ACOT11: variants seen among roughly 807,000 people sequenced by gnomAD.
The protein encoded by ACOT11 is acyl-CoA thioesterase 11, also known as acyl-coenzyme A thioesterase 11.
Under a neutral mutation model 77.5 loss-of-function variants are expected in ACOT11, and 69 were observed. That is an observed-to-expected ratio of 0.89 (90% CI 0.73 to 1.09). The LOEUF (loss-of-function observed/expected upper bound fraction) is 1.09, where lower values mean the gene tolerates loss of function less well. Ranked by LOEUF, ACOT11 falls within the 50% of genes least tolerant of loss-of-function variation. The pLI, the probability that ACOT11 is intolerant of heterozygous loss-of-function variation, is 0.00. For synonymous variants in ACOT11, 279 were observed against 313.0 expected, an observed-to-expected ratio of 0.89 and a Z score of 1.15; for missense variants, 766 against 813.7, an observed-to-expected ratio of 0.94 and a Z score of 0.71.
chr1:54,588,143 G>A (rs1654572702), intron 3 of ACOT11, among the ~76,000 whole-genome samples: 1 of 152,018 alleles, frequency 6.6e-6, no homozygotes, highest in Non-Finnish European at 1.5e-5. Flanking sequence ...GGTGGAGGTT[G>A]CAGTGAGCCA....
chr1:54,594,127 G>A (rs940712357), intron 5 of ACOT11, 88 bp downstream of exon 5: 6 of 1,202,588 alleles, frequency 5.0e-6, no homozygotes, highest in Admixed American at 4.2e-5. Context: ...TGAGGTTAGG[G>A]GTTGGCAGAG....
intron 13 of ACOT11, among the ~76,000 whole-genome samples, 178 bp downstream of exon 13, chr1:54,605,387 GACTGAGC>G (rs1225566289): frequency 6.6e-6 from 1 of 152,118 alleles, no homozygotes; most frequent in African/African-American, 2.4e-5. Context: ...TTAGGGAAGA[GACTGAGC>G]ACGGAATTAG....
chr1:54,602,749 A>C, intron 10 of ACOT11, 25 bp downstream of exon 10: 2 of 1,516,896 alleles, frequency 1.3e-6, no homozygotes, highest in Non-Finnish European at 1.8e-6. Flanking sequence ...AGTGGTGGGC[A>C]GAATGTGGAT....
At position 54,584,647 on chromosome 1, in the gene ACOT11, T is replaced by C. The variant is rs759337155; in HGVS notation, c.34-8T>C. The C allele has an allele frequency of 6.2e-7, 1 of 1,613,442 alleles. No individual in the cohort carries two copies. The highest frequency in any genetic ancestry group is 1.1e-5 in the South Asian group (1 of 91,004). On this transcript the variant is annotated splice_region_variant and splice_polypyrimidine_tract_variant and intron_variant, in intron 1 of 15. Transcript: ENST00000343744. The surrounding 1 kb of genome is among the most constrained non-coding windows in gnomAD (Gnocchi z 6.3). ...CTCTGTCCCCACCTGTCCCCACCTG[T>C]ACCCCAGGGCTTGGCCTCTGTGTTC... is the stretch of plus-strand genomic sequence containing the variant.
intron 1 of ACOT11, among the ~76,000 whole-genome samples, chr1:54,583,667 G>A (rs1188684442): frequency 6.6e-6 from 1 of 151,672 alleles, no homozygotes; most frequent in African/African-American, 2.4e-5. Context: ...TAAGGCATCT[G>A]TCTCATAGGT....
intron 15 of ACOT11, chr1:54,623,176 TA>T (rs113750458): frequency 0.19 from 114,136 of 596,012 alleles, no homozygotes; most frequent in South Asian, 0.26. Flanking sequence ...AAACTCCGTC[TA>T]AAAAAAAAAA....
chr1:54,612,542 A>AGACC, downstream of ACOT11: 1 of 1,614,054 alleles, frequency 6.2e-7, no homozygotes, highest in Non-Finnish European at 8.5e-7. Context: ...GCACCATGGA[A>AGACC]GACCGTACAG....
intron 1 of ACOT11, among the ~76,000 whole-genome samples, chr1:54,556,821 G>T (rs1653273154): frequency 6.6e-6 from 1 of 152,066 alleles, no homozygotes; most frequent in African/African-American, 2.4e-5. Context: ...GACCTTGGGT[G>T]ATCCGCCCAC....
At chr1:54,570,935 G>C (rs566976960) in intron 1 of ACOT11, among the ~76,000 whole-genome samples, 4 of 151,546 alleles carry the variant, frequency 2.6e-5, no homozygotes, top group Non-Finnish European at 5.9e-5. Context: ...TGCCTGCCTC[G>C]GCCTCCCAAA....
chr1:54,600,400 T>C (rs1251412191), intron 8 of ACOT11, among the ~76,000 whole-genome samples: 1 of 152,174 alleles, frequency 6.6e-6, no homozygotes, highest in Admixed American at 6.5e-5. Flanking sequence ...GGATGGTAAG[T>C]GGCTGAGCGC....
At chr1:54,611,035 G>A, downstream of ACOT11, 2 of 984,228 alleles carry the variant, frequency 2.0e-6, no homozygotes, top group Non-Finnish European at 2.4e-6. Context: ...GAATTTGCTG[G>A]TTTCCTACCT....
At chr1:54,550,516 C>T (rs114025600) in intron 1 of ACOT11, among the ~76,000 whole-genome samples, 226 of 152,246 alleles carry the variant, frequency 1.5e-3, no homozygotes, top group African/African-American at 5.1e-3. Flanking sequence ...AACAAGCAAA[C>T]AAATAAACAA....
chr1:54,605,031 C>T lies in ACOT11; in HGVS notation c.1237-45C>T, dbSNP rs200370854. On this transcript the variant is annotated intron_variant, in intron 12 of 15. Coordinates refer to ENST00000343744, the MANE Select transcript of ACOT11 (RefSeq NM_147161.4). The stretch of plus-strand genomic sequence containing the variant: ...CTCAGCCTCCAGCATCCCCATCAGT[C>T]CACTCCACCACCCAGCAAATGAGGC... The T allele has an allele frequency of 7.3e-5, 115 of 1,576,802 alleles. No homozygotes were observed. In the African/African-American group the frequency reaches 1.5e-3, roughly 20 times the overall value.
At chr1:54,572,104 CCT>C (rs2100963165) in intron 1 of ACOT11, among the ~76,000 whole-genome samples, 1 of 151,976 alleles carries the variant, frequency 6.6e-6, no homozygotes, top group African/African-American at 2.4e-5. Context: ...TTCCTGCTCG[CCT>C]CTCTTCTGCT....
At chr1:54,581,108 G>C (rs1234289644) in intron 1 of ACOT11, among the ~76,000 whole-genome samples, 1 of 152,228 alleles carries the variant, frequency 6.6e-6, no homozygotes, top group Non-Finnish European at 1.5e-5. Flanking sequence ...CTAAGGGGCA[G>C]AGCAAAGTCC....
intron 1 of ACOT11, among the ~76,000 whole-genome samples, chr1:54,564,467 C>G (rs186060838): frequency 2.0e-5 from 3 of 152,032 alleles, no homozygotes; most frequent in Admixed American, 2.0e-4. Flanking sequence ...AGGCTGTGAT[C>G]TGCCCTGGGG....
At chr1:54,568,328 CACT>C in intron 1 of ACOT11, among the ~76,000 whole-genome samples, 1 of 146,588 alleles carries the variant, frequency 6.8e-6, no homozygotes, top group African/African-American at 2.5e-5. Flanking sequence ...TGTGAGAAGA[CACT>C]ATGTCTGTTT....
chr1:54,635,133 G>T, exon 17 of ACOT11: 1 of 254,396 alleles, frequency 3.9e-6, no homozygotes, highest in East Asian at 1.0e-4. Context: ...TTGTAAACAG[G>T]ATTGGACCCA....
At chr1:54,575,828 G>T (rs974962820) in intron 1 of ACOT11, among the ~76,000 whole-genome samples, 2 of 152,204 alleles carry the variant, frequency 1.3e-5, no homozygotes, top group Admixed American at 1.3e-4. Flanking sequence ...AGAGGGAGTG[G>T]CACGGGCAAA....
Sources: gnomAD v4.1 joint callset for allele counts (sites outside exome capture counted in the v4.1 genomes callset) on GRCh38, gnomAD v4.1.1 for gene constraint, Gnocchi (gnomAD v3.1) non-coding constraint, MANE v1.5 for transcripts, NCBI Gene and HGNC (gene_info 2026-07-23, HGNC 2026-07-21) for gene names.